NDUFAF5: variants seen among roughly 807,000 people sequenced by gnomAD.
NDUFAF5 encodes the protein arginine-hydroxylase NDUFAF5, mitochondrial.
A neutral mutation model predicts 48.9 loss-of-function variants in NDUFAF5; 34 were observed. The ratio of observed to expected loss-of-function variants is 0.70; its 90% CI spans 0.53 to 0.93. The LOEUF (loss-of-function observed/expected upper bound fraction) is 0.93. Among genes scored for constraint, NDUFAF5 ranks in the 40% least tolerant of loss-of-function variants. The pLI is 0.00. For synonymous variants in NDUFAF5, 153 were observed against 150.6 expected, an observed-to-expected ratio of 1.02 and a Z score of -0.12; for missense variants, 428 against 427.5, an observed-to-expected ratio of 1.00 and a Z score of -0.01.
rs111362832 is a variant in NDUFAF5, at chr20:13,797,215, G to T, written c.480-1246G>T. ...CTACAAAACTAAACATACTCTTAGC[G>T]TACGATCCAGCGATTGCATGCTCCT... On this transcript the variant is annotated intron_variant, in intron 5 of 10. Transcript: ENST00000378106. 6.0e-4 allele frequency among the ~76,000 whole-genome samples: 92 copies of T among 152,318 alleles called. 1 individual carries two copies. The highest frequency in any genetic ancestry group is 2.0e-3 in the African/African-American group (85 of 41,566).
chr20:13,815,393 A>G (rs1158715476), intron 8 of NDUFAF5, among the ~76,000 whole-genome samples: 1 of 152,180 alleles, frequency 6.6e-6, no homozygotes, highest in Admixed American at 6.5e-5. Flanking sequence ...TTTCTTGATG[A>G]TAATTAACCT....
At chr20:13,796,245 G>A (rs1983193474) in intron 5 of NDUFAF5, among the ~76,000 whole-genome samples, 1 of 152,192 alleles carries the variant, frequency 6.6e-6, no homozygotes, top group African/African-American at 2.4e-5. Context: ...TCGTGAGTGT[G>A]TAATTCCTTC....
chr20:13,813,966 T>A (rs1986169558), intron 8 of NDUFAF5: 1 of 158,572 alleles, frequency 6.3e-6, no homozygotes, highest in African/African-American at 2.4e-5. Context: ...GAAAATGAGA[T>A]ACATTTGTGT....
chr20:13,820,595 G>C lies in NDUFAF5; in HGVS notation c.*3385G>C, dbSNP rs1986919064. The C allele has an allele frequency of 6.6e-6, 1 of 152,168 alleles. No individual in the cohort carries two copies. Among genetic ancestry groups the C allele is most frequent in the African/African-American group, 2.4e-5 (1 of 41,400 alleles). The allele number at this position is 152,168 out of a possible 1,614,324, so 9.4% of individuals were successfully genotyped here. ...TGTGGTCCCAGCTACTCAGAAGGCT[G>C]AGGTGGGAGTATTGATCGAGCCCAG... On this transcript the variant is annotated 3_prime_UTR_variant, in exon 11 of 11. Coordinates refer to ENST00000378106, the MANE Select transcript of NDUFAF5 (RefSeq NM_024120.5).
At chr20:13,795,307 T>C (rs550396880) in intron 5 of NDUFAF5, among the ~76,000 whole-genome samples, 1 of 152,120 alleles carries the variant, frequency 6.6e-6, no homozygotes, top group Admixed American at 6.5e-5. Flanking sequence ...AATTCCAAAA[T>C]AATAAGTTAC....
chr20:13,794,969 A>G, intron 5 of NDUFAF5, 28 bp downstream of exon 5: 3 of 1,445,142 alleles, frequency 2.1e-6, no homozygotes, highest in African/African-American at 2.8e-5. Context: ...TAAAAACCAT[A>G]TGTTATAAAC....
Position 13,819,055 on chromosome 20 carries a change from AAC to A in NDUFAF5, c.*1849_*1850del, listed in dbSNP as rs1370198145. On this transcript the variant is annotated 3_prime_UTR_variant, in exon 11 of 11. Transcript: ENST00000378106. ...TTGTTTAAAAAAATTAAGTAAATCA[AAC>A]ACAGCTAATTGAGGACCCTTATTGT... 2 of 152,262 alleles carry A rather than the reference AAC, an allele frequency of 1.3e-5. No individual in the cohort carries two copies. The highest frequency in any genetic ancestry group is 2.4e-5 in the African/African-American group (1 of 41,474). The allele number at this position is 152,262 out of a possible 1,614,324, so 9.4% of individuals were successfully genotyped here.
chr20:13,806,597 T>C (rs1448630868), intron 7 of NDUFAF5, among the ~76,000 whole-genome samples: 2 of 152,216 alleles, frequency 1.3e-5, no homozygotes, highest in African/African-American at 4.8e-5. Context: ...TGTGGCATTC[T>C]TTTGATTGAA....
At chr20:13,796,636 G>A (rs1983261400) in intron 5 of NDUFAF5, among the ~76,000 whole-genome samples, 2 of 152,166 alleles carry the variant, frequency 1.3e-5, no homozygotes, top group Non-Finnish European at 2.9e-5. Context: ...CTGGGAATAT[G>A]ACTTTCGCTG....
rs1057322973 is a variant in NDUFAF5, at chr20:13,820,399, T to G, written c.*3189T>G. ...TACAGTATGACCTGCATTAAAGACA[T>G]GTACAGTTTTTTGGCCGGCTGCAGT... On this transcript the variant is annotated 3_prime_UTR_variant, in exon 11 of 11. Coordinates refer to ENST00000378106, the MANE Select transcript of NDUFAF5 (RefSeq NM_024120.5). 1 of 152,034 alleles carries G rather than the reference T, an allele frequency of 6.6e-6. No homozygotes were observed. The highest frequency in any genetic ancestry group is 2.4e-5 in the African/African-American group (1 of 41,396). The allele number at this position is 152,034 out of a possible 1,614,324, so 9.4% of individuals were successfully genotyped here.
rs183892859 is a variant in NDUFAF5 at position 13,793,243 on chromosome 20, A to G, written c.375+16A>G. 4.0e-4 allele frequency: 634 copies of G among 1,599,908 alleles called. No individual in the cohort carries two copies. Among genetic ancestry groups the G allele is most frequent in the South Asian group, 3.6e-3 (331 of 90,784 alleles). ...AAATGCTTTGGTAGGTAGCTTTTTA[A>G]TACTGTTGGTTTCTAATCTCGTGAT... On this transcript the variant is annotated intron_variant, in intron 4 of 10. Coordinates refer to ENST00000378106, the MANE Select transcript of NDUFAF5 (RefSeq NM_024120.5).
intron 2 of NDUFAF5, 51 bp downstream of exon 2, chr20:13,787,403 C>T (rs953493866): frequency 4.5e-6 from 7 of 1,540,592 alleles, no homozygotes; most frequent in African/African-American, 1.4e-5. Context: ...AGTGGAAATT[C>T]AGGAGATTAA....
chr20:13,806,937 A>G (rs1383128956), intron 7 of NDUFAF5, among the ~76,000 whole-genome samples: 1 of 152,138 alleles, frequency 6.6e-6, no homozygotes, highest in Non-Finnish European at 1.5e-5. Flanking sequence ...GCTAGAGTGC[A>G]GTGGCGAGAT....
chr20:13,819,791 T>C lies in NDUFAF5; in HGVS notation c.*2581T>C, dbSNP rs75095964. 0.017 allele frequency: 2,540 copies of C among 152,388 alleles called. 37 individuals carry two copies. The highest frequency in any genetic ancestry group is 0.028 in the Non-Finnish European group (1,923 of 68,048). The allele number at this position is 152,388 out of a possible 1,614,324, so 9.4% of individuals were successfully genotyped here. A position where few individuals can be genotyped will look rare whatever the true frequency, so the allele number is the denominator to read the frequency against. ...GTGTCTTTTCCAGCACTTTTCTTACTTGCTGTCAGTTGTCAATCTCAACAC... is the reference window on the plus strand; with the variant it reads ...GTGTCTTTTCCAGCACTTTTCTTACCTGCTGTCAGTTGTCAATCTCAACAC... On this transcript the variant is annotated 3_prime_UTR_variant, in exon 11 of 11. Coordinates refer to ENST00000378106, the MANE Select transcript of NDUFAF5 (RefSeq NM_024120.5).
chr20:13,801,656 G>A lies in NDUFAF5; in HGVS notation c.690G>A (p.Gly230=). 6.2e-7 allele frequency: 1 copy of A among 1,613,966 alleles called. No individual in the cohort carries two copies. The highest frequency in any genetic ancestry group is 8.5e-7 in the Non-Finnish European group (1 of 1,179,982). ...TCAATGACCTGGGACATCTGCTTGGGAGAGCTGGCTTTAATACTCTGACTG... is the reference window on the plus strand; with the variant it reads ...TCAATGACCTGGGACATCTGCTTGGAAGAGCTGGCTTTAATACTCTGACTG... ...TAVNDLGHLL[G]RAGFNTLTVD... The change falls in exon 7 of 11, where the codon GGG becomes GGA. Residue 230 remains glycine (G), a synonymous_variant. Coordinates refer to ENST00000378106, the MANE Select transcript of NDUFAF5 (RefSeq NM_024120.5).
chr20:13,818,601 C>A lies in NDUFAF5; in HGVS notation c.*1391C>A. On this transcript the variant is annotated 3_prime_UTR_variant, in exon 11 of 11. Coordinates refer to ENST00000378106, the MANE Select transcript of NDUFAF5 (RefSeq NM_024120.5). ...TCAAGGCTGCAGTGAGCTGTCTGTG[C>A]CACGGCACTCCAACCTGGGCAAAAG... 4.7e-6 allele frequency: 1 copy of A among 214,996 alleles called. No homozygotes were observed. The highest frequency in any genetic ancestry group is 6.7e-5 in the South Asian group (1 of 14,830). 13.3% of individuals were successfully genotyped at this position (214,996 alleles called of 1,614,324 possible). A position where few individuals can be genotyped will look rare whatever the true frequency, so the allele number is the denominator to read the frequency against.
chr20:13,806,291 A>G (rs760096136), intron 7 of NDUFAF5, among the ~76,000 whole-genome samples: 12 of 152,212 alleles, frequency 7.9e-5, no homozygotes, highest in Non-Finnish European at 1.8e-4. Flanking sequence ...GCAGATCACA[A>G]GGTCAGGAGA....
At chr20:13,808,698 G>T in intron 7 of NDUFAF5, 144 bp from the exon 8 acceptor site, 1 of 609,754 alleles carries the variant, frequency 1.6e-6, no homozygotes, top group African/African-American at 1.9e-5. Flanking sequence ...TCAAACATAA[G>T]CCAGATGACA....
chr20:13,790,466 C>T (rs75541390), intron 3 of NDUFAF5, among the ~76,000 whole-genome samples: 1,926 of 152,310 alleles, frequency 0.013, 12 homozygotes, highest in Non-Finnish European at 0.018. Context: ...TCCCCATCAC[C>T]GTGCTGTTCA....
Sources: allele counts gnomAD v4.1 joint callset (sites outside exome capture counted in the v4.1 genomes callset), GRCh38; gene constraint gnomAD v4.1.1; transcripts MANE v1.5; gene names NCBI Gene and HGNC (gene_info 2026-07-23, HGNC 2026-07-21).